The following TECTB variants were observed in gnomAD, a reference collection of about 807,000 sequenced individuals.
The protein encoded by TECTB is beta-tectorin.
Under a neutral mutation model 43.3 loss-of-function variants are expected in TECTB, and 45 were observed. That is an observed-to-expected ratio of 1.04 (90% CI 0.82 to 1.33). The LOEUF is 1.33. TECTB is among the 40% of genes most tolerant of loss of function. The pLI is 0.00. For missense variants in TECTB, 399 were observed against 404.7 expected, an observed-to-expected ratio of 0.99 and a Z score of 0.12; for synonymous variants, 169 against 156.7, an observed-to-expected ratio of 1.08 and a Z score of -0.59.
At chr10:112,283,887 T>A in intron 2 of TECTB, 77 bp downstream of exon 2, 2 of 1,440,316 alleles carry the variant, frequency 1.4e-6, no homozygotes, top group South Asian at 1.3e-5. Flanking sequence ...AGCACTTCTG[T>A]GCTTAACTTG....
chr10:112,300,273 A>AGGAAG (rs1491585536), intron 9 of TECTB, among the ~76,000 whole-genome samples: 3 of 31,164 alleles, frequency 9.6e-5, no homozygotes, highest in African/African-American at 6.8e-4. Context: ...AAAGAAAGAA[A>AGGAAG]GAAAGAAAAG....
In TECTB at chr10:112,299,504, C is replaced by A. The variant is rs749752356; in HGVS notation, c.847C>A (p.Arg283=). The change falls in exon 9 of 11, where the codon CGG becomes AGG. Residue 283 remains arginine, a synonymous_variant. Coordinates refer to ENST00000646139, the MANE Select transcript of TECTB (RefSeq NM_058222.3). Reference sequence around the variant, plus strand: ...TCTGGGTCTTCAGACCTGCGATAAACGGAAGCGCCTCCTGCGAGACCAGAC... The same window carrying A: ...TCTGGGTCTTCAGACCTGCGATAAAAGGAAGCGCCTCCTGCGAGACCAGAC... ...KLSCPVTCDK[R]KRLLRDQTGG... 1 of 1,614,216 alleles carries A rather than the reference C, an allele frequency of 6.2e-7. No homozygotes were observed. Among genetic ancestry groups the A allele is most frequent in the Non-Finnish European group, 8.5e-7 (1 of 1,180,022 alleles).
At chr10:112,284,436 T>C in intron 2 of TECTB, 99 bp from the exon 3 acceptor site, 1 of 1,227,114 alleles carries the variant, frequency 8.1e-7, no homozygotes, top group African/African-American at 1.5e-5. Context: ...TTTAACCAAC[T>C]GCTTTTGCAT....
At position 112,283,509 on chromosome 10, in the gene TECTB, C is replaced by A; in HGVS notation, c.-88+13C>A. 1 of 544,202 alleles carries A rather than the reference C, an allele frequency of 1.8e-6. No homozygotes were observed. Among genetic ancestry groups the A allele is most frequent in the Non-Finnish European group, 3.3e-6 (1 of 307,628 alleles). 33.7% of individuals were successfully genotyped at this position (544,202 alleles called of 1,614,324 possible). Reference sequence around the variant, plus strand: ...GACGCTTCCAACGGTATGAGCCCCACTTTTTGCCTCTCAGCGCTAACAGGA... The same window carrying A: ...GACGCTTCCAACGGTATGAGCCCCAATTTTTGCCTCTCAGCGCTAACAGGA... On this transcript the variant is annotated intron_variant, in intron 1 of 10. Coordinates refer to ENST00000646139, the MANE Select transcript of TECTB (RefSeq NM_058222.3).
At chr10:112,301,959 C>T in intron 9 of TECTB, 142 bp from the exon 10 acceptor site, 2 of 908,646 alleles carry the variant, frequency 2.2e-6, no homozygotes, top group Non-Finnish European at 3.3e-6. Context: ...GACCCGCCCA[C>T]CTGGGCCTCC....
intron 9 of TECTB, among the ~76,000 whole-genome samples, chr10:112,300,716 C>T (rs1848604036): frequency 1.3e-5 from 2 of 152,220 alleles, no homozygotes; most frequent in African/African-American, 4.8e-5. Flanking sequence ...TTTTAGATTT[C>T]AGATTCCAGG....
At chr10:112,297,216 G>C (rs2133355458) in intron 7 of TECTB, among the ~76,000 whole-genome samples, 1 of 152,226 alleles carries the variant, frequency 6.6e-6, no homozygotes, top group Non-Finnish European at 1.5e-5. Flanking sequence ...AGCAGCCCTG[G>C]TCTCCGCCCA....
chr10:112,284,355 G>C (rs1477980716), intron 2 of TECTB, among the ~76,000 whole-genome samples, 180 bp from the exon 3 acceptor site: 1 of 152,146 alleles, frequency 6.6e-6, no homozygotes, highest in Non-Finnish European at 1.5e-5. Context: ...AACTGTGAGA[G>C]TGACTCTTCA....
intron 5 of TECTB, among the ~76,000 whole-genome samples, chr10:112,291,996 C>T (rs1848503178): frequency 6.6e-6 from 1 of 151,978 alleles, no homozygotes; most frequent in African/African-American, 2.4e-5. Flanking sequence ...ATTAGCCGGG[C>T]GTGGTGGCAG....
chr10:112,284,752 T>G, intron 3 of TECTB, 27 bp downstream of exon 3: 1 of 1,468,502 alleles, frequency 6.8e-7, no homozygotes. Context: ...CAGTGCAGAG[T>G]TGTTTAAGGT....
rs1037683695 is a variant in TECTB at position 112,302,257 on chromosome 10, G to C, written c.940+124G>C. On this transcript the variant is annotated intron_variant, in intron 10 of 10. Coordinates refer to ENST00000646139, the MANE Select transcript of TECTB (RefSeq NM_058222.3). The stretch of plus-strand genomic sequence containing the variant: ...TAAGGATTGAAAATTATACTTTAAA[G>C]CACACCTGAGTGGCGCAGAGGGGGC... 4 of 1,210,690 alleles carry C rather than the reference G, an allele frequency of 3.3e-6. No homozygotes were observed. The African/African-American group carries it at 6.1e-5, about 18-fold the overall frequency. The allele number at this position is 1,210,690 out of a possible 1,614,324, so 75.0% of individuals were successfully genotyped here. A position where few individuals can be genotyped will look rare whatever the true frequency, so the allele number is the denominator to read the frequency against.
At position 112,302,092 on chromosome 10, in the gene TECTB, T is replaced by C; in HGVS notation, c.908-9T>C. On this transcript the variant is annotated splice_polypyrimidine_tract_variant and intron_variant, in intron 9 of 10. Transcript: ENST00000646139. ...TAAACTTTCTGCATTCTCTCTTTAC[T>C]CACTACAGGCAGGGGATTTTCCAGT... is the stretch of plus-strand genomic sequence containing the variant. 1 of 1,613,830 alleles carries C rather than the reference T, an allele frequency of 6.2e-7. No homozygotes were observed. Among genetic ancestry groups the C allele is most frequent in the Non-Finnish European group, 8.5e-7 (1 of 1,179,878 alleles).
chr10:112,296,422 A>AT (rs1010674610), intron 7 of TECTB, among the ~76,000 whole-genome samples: 1 of 151,940 alleles, frequency 6.6e-6, no homozygotes, highest in African/African-American at 2.4e-5. Context: ...AGATCTGCCT[A>AT]TTTTTTGCCT....
intron 7 of TECTB, among the ~76,000 whole-genome samples, chr10:112,294,708 A>C (rs557630754): frequency 1.3e-5 from 2 of 152,274 alleles, no homozygotes; most frequent in South Asian, 2.1e-4. Flanking sequence ...AGGGAGAAAA[A>C]CCAGATTAGA....
chr10:112,294,824 G>T (rs1439475808), intron 7 of TECTB, among the ~76,000 whole-genome samples: 1 of 152,210 alleles, frequency 6.6e-6, no homozygotes, highest in Non-Finnish European at 1.5e-5. Flanking sequence ...GCAGGAATGA[G>T]AAAATGTAGG....
At chr10:112,289,782 A>T (rs1417389696) in intron 5 of TECTB, among the ~76,000 whole-genome samples, 3 of 152,204 alleles carry the variant, frequency 2.0e-5, no homozygotes, top group African/African-American at 7.2e-5. Context: ...AGACCCGTGC[A>T]GGCCATCACG....
In TECTB at chr10:112,283,722, G is replaced by A. The variant is rs777262565; in HGVS notation, c.-13G>A. 6.2e-7 allele frequency: 1 copy of A among 1,613,662 alleles called. No individual in the cohort carries two copies. The highest frequency in any genetic ancestry group is 8.5e-7 in the Non-Finnish European group (1 of 1,179,776). On this transcript the variant is annotated 5_prime_UTR_variant, in exon 2 of 11. Transcript: ENST00000646139. ...GGTTTGGATACCTGGCAGAGACCAG[G>A]TTCTGAGAAGCAATGGTGACGAAGG...
intron 5 of TECTB, among the ~76,000 whole-genome samples, chr10:112,293,072 T>G (rs1487321769): frequency 6.6e-6 from 1 of 152,254 alleles, no homozygotes; most frequent in Non-Finnish European, 1.5e-5. Context: ...TTATAGCTTT[T>G]CTAGATAATG....
intron 9 of TECTB, 87 bp from the exon 10 acceptor site, chr10:112,302,013 GT>G: frequency 6.6e-7 from 1 of 1,518,864 alleles, no homozygotes. Context: ...CCCCAGCCAG[GT>G]TTTGTGTTGT....
Sources: gnomAD v4.1 joint callset for allele counts (sites outside exome capture counted in the v4.1 genomes callset) on GRCh38, gnomAD v4.1.1 for gene constraint, MANE v1.5 for transcripts, NCBI Gene and HGNC (gene_info 2026-07-23, HGNC 2026-07-21) for gene names.